The following POLQ variants were observed in gnomAD, a reference collection of about 807,000 sequenced individuals.
POLQ encodes the protein epididymis secretory sperm binding protein.
POLQ carries 233 observed loss-of-function variants against 259.2 expected under a neutral mutation model. That is an observed-to-expected ratio of 0.90 (90% CI 0.81 to 1.00). POLQ has a LOEUF of 1.00. Ranked by LOEUF, POLQ falls within the 50% of genes least tolerant of loss-of-function variation. The probability of loss-of-function intolerance (pLI) is 0.00; values close to 1 mark genes in which losing one functional copy is unlikely to be tolerated. For synonymous variants in POLQ, 1,025 were observed against 1,048.8 expected, an observed-to-expected ratio of 0.98 and a Z score of 0.44; for missense variants, 2,871 against 3,051.6, an observed-to-expected ratio of 0.94 and a Z score of 1.39.
chr3:121,541,565 A>G, intron 2 of POLQ, 86 bp from the exon 3 acceptor site: 1 of 1,218,526 alleles, frequency 8.2e-7, no homozygotes. Flanking sequence ...CATGTGTAGT[A>G]CTACAGAGCC....
At chr3:121,483,351 T>C in intron 18 of POLQ, 35 bp downstream of exon 18, 2 of 1,237,342 alleles carry the variant, frequency 1.6e-6, no homozygotes, top group Non-Finnish European at 2.2e-6. Flanking sequence ...AAAAATGTTG[T>C]TTTAAGTATA....
intron 19 of POLQ, among the ~76,000 whole-genome samples, chr3:121,479,361 A>ATGT (rs1560094485): frequency 2.8e-5 from 2 of 71,750 alleles, no homozygotes; most frequent in African/African-American, 9.7e-5. Flanking sequence ...AAAAAAAAAA[A>ATGT]ATGTGTGTGT....
chr3:121,456,479 A>C (rs568746171), intron 25 of POLQ, among the ~76,000 whole-genome samples: 56 of 152,204 alleles, frequency 3.7e-4, no homozygotes, highest in Non-Finnish European at 7.2e-4. Flanking sequence ...TATATCCAGA[A>C]AACCCCATTG....
chr3:121,439,944 C>T (rs1417091167), intron 27 of POLQ, 48 bp downstream of exon 27: 2 of 1,507,624 alleles, frequency 1.3e-6, no homozygotes, highest in Non-Finnish European at 1.8e-6. Context: ...TGAAAAAGTA[C>T]ATGTCATTGA....
At chr3:121,448,430 T>A (rs1401871860) in intron 26 of POLQ, among the ~76,000 whole-genome samples, 1 of 151,948 alleles carries the variant, frequency 6.6e-6, no homozygotes, top group Non-Finnish European at 1.5e-5. Context: ...TGCAATGGCG[T>A]GATCTCGGCT....
In POLQ at chr3:121,476,455, TACACACACAC is replaced by T. The variant is rs71678533; in HGVS notation, c.6405+75_6405+84del. ...TACTGACCTTTGGTGTTCAGGTAAA[TACACACACAC>T]ACACACACACACACACACACAATCA... On this transcript the variant is annotated intron_variant, in intron 20 of 29. Coordinates refer to ENST00000264233, the MANE Select transcript of POLQ (RefSeq NM_199420.4). 4.3e-5 allele frequency: 31 copies of T among 727,768 alleles called. 1 individual carries two copies. Among genetic ancestry groups the T allele is most frequent in the Middle Eastern group, 2.5e-4 (1 of 3,936 alleles). The allele number at this position is 727,768 out of a possible 1,614,324, so 45.1% of individuals were successfully genotyped here.
At chr3:121,442,027 G>A (rs1254831156) in intron 26 of POLQ, among the ~76,000 whole-genome samples, 1 of 152,020 alleles carries the variant, frequency 6.6e-6, no homozygotes, top group Non-Finnish European at 1.5e-5. Context: ...TTAATTTATC[G>A]GATCGTCTAG....
intron 7 of POLQ, among the ~76,000 whole-genome samples, chr3:121,524,497 A>T (rs2048359057): frequency 6.6e-6 from 1 of 152,082 alleles, no homozygotes; most frequent in Admixed American, 6.6e-5. Flanking sequence ...AATATATACT[A>T]TGATTATAGC....
rs375979324 is a variant in POLQ, at chr3:121,432,339, C to T, written c.7738G>A (p.Ala2580Thr). ...AAGTCCTTTAGCTCTCCCCAGCTGG[C>T]GCCTATTTTCACTTTCACTTTCAAT... ...VKLKVKVKIG[A>T]SWGELKDFDV Residue 2580 changes from alanine to threonine, a missense_variant, in exon 30 of 30, where the codon GCC becomes ACC. By Grantham distance (58) the Ala-to-Thr change is moderately conservative (BLOSUM62 0). Around this residue, in one of 3 missense-constraint regions of POLQ, gnomAD observed 2,080 missense variants for 2,126.0 expected, o/e 0.98. Coordinates refer to ENST00000264233, the MANE Select transcript of POLQ (RefSeq NM_199420.4). 3.3e-5 allele frequency: 53 copies of T among 1,606,584 alleles called. No homozygotes were observed. The highest frequency in any genetic ancestry group is 1.9e-4 in the African/African-American group (14 of 74,484).
At chr3:121,533,328 A>G in intron 5 of POLQ, 119 bp from the exon 6 acceptor site, 1 of 525,464 alleles carries the variant, frequency 1.9e-6, no homozygotes, top group Non-Finnish European at 3.2e-6. Flanking sequence ...TCTTTAGGAT[A>G]TATACCTAAG....
At chr3:121,466,656 C>T in intron 24 of POLQ, among the ~76,000 whole-genome samples, 1 of 151,238 alleles carries the variant, frequency 6.6e-6, no homozygotes, top group East Asian at 1.9e-4. Flanking sequence ...CGCCATTGCA[C>T]TCCAGCCTGG....
intron 22 of POLQ, among the ~76,000 whole-genome samples, chr3:121,470,564 C>CTCA (rs1560092220): frequency 1.3e-5 from 2 of 152,118 alleles, no homozygotes; most frequent in South Asian, 2.1e-4. Context: ...CTATTTAATC[C>CTCA]TCAGAATTAC....
intron 10 of POLQ, among the ~76,000 whole-genome samples, chr3:121,511,119 G>A (rs760050430): frequency 4.6e-5 from 7 of 151,892 alleles, no homozygotes; most frequent in Middle Eastern, 3.2e-3. Flanking sequence ...CCAACTACTC[G>A]GGAGGCTGAG....
intron 24 of POLQ, among the ~76,000 whole-genome samples, chr3:121,466,808 A>G (rs1232557732): frequency 6.6e-6 from 1 of 152,214 alleles, no homozygotes; most frequent in African/African-American, 2.4e-5. Flanking sequence ...AAAATTGCCA[A>G]GCAGGACATG....
At chr3:121,448,847 G>A (rs1043690033) in intron 26 of POLQ, among the ~76,000 whole-genome samples, 1 of 152,026 alleles carries the variant, frequency 6.6e-6, no homozygotes, top group Non-Finnish European at 1.5e-5. Flanking sequence ...CTTTTTCAGG[G>A]TGAATCTAAT....
intron 12 of POLQ, among the ~76,000 whole-genome samples, chr3:121,502,450 C>T (rs1369749989): frequency 1.3e-5 from 2 of 152,158 alleles, no homozygotes; most frequent in Admixed American, 6.5e-5. Flanking sequence ...GTGGTCCACC[C>T]GCCTCAGCCT....
intron 26 of POLQ, among the ~76,000 whole-genome samples, chr3:121,444,426 T>C (rs894702616): frequency 1.5e-4 from 23 of 152,222 alleles, no homozygotes; most frequent in Admixed American, 1.0e-3. Context: ...GCTACTGATG[T>C]TTGTATGTTG....
At chr3:121,523,943 A>G (rs1249977119) in intron 7 of POLQ, among the ~76,000 whole-genome samples, 4 of 152,210 alleles carry the variant, frequency 2.6e-5, no homozygotes, top group Non-Finnish European at 5.9e-5. Flanking sequence ...TTACCTATCA[A>G]TATTTTTACT....
chr3:121,477,220 T>A (rs1042165069), intron 19 of POLQ, among the ~76,000 whole-genome samples: 1 of 152,134 alleles, frequency 6.6e-6, no homozygotes, highest in Non-Finnish European at 1.5e-5. Context: ...AGCCCCTCCT[T>A]GCCCCATTCA....
Sources: allele counts gnomAD v4.1 joint callset (sites outside exome capture counted in the v4.1 genomes callset), GRCh38; gene constraint gnomAD v4.1.1; regional missense constraint gnomAD v4.1.1; transcripts MANE v1.5; gene names NCBI Gene and HGNC (gene_info 2026-07-23, HGNC 2026-07-21).